The following PCLO variants were observed in gnomAD, a reference collection of about 807,000 sequenced individuals.
PCLO encodes protein piccolo.
Under a neutral mutation model 427.5 loss-of-function variants are expected in PCLO, and 82 were observed. That is an observed-to-expected ratio of 0.19 (90% CI 0.16 to 0.23). PCLO has a LOEUF of 0.23. PCLO is among the 10% of genes least tolerant of loss of function. The pLI is 1.00. For synonymous variants in PCLO, 2,357 were observed against 2,155.4 expected, an observed-to-expected ratio of 1.09 and a Z score of -2.59; for missense variants, 6,239 against 6,115.9, an observed-to-expected ratio of 1.02 and a Z score of -0.67.
intron 22 of PCLO, among the ~76,000 whole-genome samples, chr7:82,778,411 C>T (rs1387012206): frequency 6.6e-6 from 1 of 152,128 alleles, no homozygotes; most frequent in East Asian, 1.9e-4. Flanking sequence ...AATCCTATTA[C>T]TGGTATATAC....
chr7:83,152,118 C>T (rs1792150296), intron 2 of PCLO, among the ~76,000 whole-genome samples: 1 of 151,990 alleles, frequency 6.6e-6, no homozygotes, highest in South Asian at 2.1e-4. Flanking sequence ...GCGCCCGCCA[C>T]CACGCCCGGC....
intron 3 of PCLO, among the ~76,000 whole-genome samples, chr7:83,021,657 C>T (rs41606): frequency 0.48 from 72,409 of 151,872 alleles, 19,622 homozygotes; most frequent in Middle Eastern, 0.7. Context: ...AAACATATTT[C>T]AGTAAATTTG....
At chr7:82,812,293 A>G (rs1791589058) in intron 20 of PCLO, among the ~76,000 whole-genome samples, 1 of 151,596 alleles carries the variant, frequency 6.6e-6, no homozygotes, top group Non-Finnish European at 1.5e-5. Flanking sequence ...AAAACAATGT[A>G]ACAAATGAAA....
At chr7:83,059,357 A>AAAAATAT (rs1332566491) in intron 3 of PCLO, among the ~76,000 whole-genome samples, 3 of 111,816 alleles carry the variant, frequency 2.7e-5, no homozygotes, top group Non-Finnish European at 5.2e-5. Context: ...ACACCTTTAA[A>AAAAATAT]ATATATATAT....
In PCLO at chr7:82,758,723, A is replaced by G. The variant is rs1790369463; in HGVS notation, c.15289-8T>C. 6.6e-7 allele frequency: 1 copy of G among 1,519,516 alleles called. No individual in the cohort carries two copies. Among genetic ancestry groups the G allele is most frequent in the Non-Finnish European group, 9.1e-7 (1 of 1,100,344 alleles). 94.1% of individuals were successfully genotyped at this position (1,519,516 alleles called of 1,614,324 possible). On this transcript the variant is annotated splice_region_variant and splice_polypyrimidine_tract_variant and intron_variant, in intron 24 of 24. Transcript: ENST00000333891. ...ATTGGAGAAAAGTAAAATCTAGAAA[A>G]AATAGGCAAAAATAAACATATTTAA...
At chr7:82,793,684 A>T (rs1021545416) in intron 22 of PCLO, among the ~76,000 whole-genome samples, 20 of 152,148 alleles carry the variant, frequency 1.3e-4, no homozygotes, top group African/African-American at 4.8e-4. Flanking sequence ...TGATCTCCAC[A>T]TTTGATATTT....
chr7:83,108,191 G>A (rs1281210255), intron 3 of PCLO, among the ~76,000 whole-genome samples: 2 of 151,974 alleles, frequency 1.3e-5, no homozygotes, highest in East Asian at 3.9e-4. Flanking sequence ...AGAATACATT[G>A]ACTTGAGAAA....
At chr7:82,772,340 A>G (rs1790664672) in intron 22 of PCLO, among the ~76,000 whole-genome samples, 1 of 152,086 alleles carries the variant, frequency 6.6e-6, no homozygotes, top group Non-Finnish European at 1.5e-5. Context: ...ATGATTGTCA[A>G]TCTATTAATT....
chr7:83,154,859 G>C lies in PCLO; in HGVS notation c.1782C>G (p.Thr594=). 1 of 1,613,922 alleles carries C rather than the reference G, an allele frequency of 6.2e-7. No individual in the cohort carries two copies. Among genetic ancestry groups the C allele is most frequent in the Non-Finnish European group, 8.5e-7 (1 of 1,179,830 alleles). ...LPKTICPLCN[T]TELLLHVPEK... The stretch of plus-strand genomic sequence containing the variant: ...CTGGAACATGCAACAGAAGTTCAGT[G>C]GTATTGCAAAGAGGACAGATGGTTT... Residue 594 remains threonine, a synonymous_variant, in exon 2 of 25, where the codon ACC becomes ACG. Coordinates refer to ENST00000333891, the MANE Select transcript of PCLO (RefSeq NM_033026.6).
intron 3 of PCLO, among the ~76,000 whole-genome samples, chr7:83,093,918 T>C (rs1790459130): frequency 6.6e-6 from 1 of 151,310 alleles, no homozygotes; most frequent in Non-Finnish European, 1.5e-5. Flanking sequence ...AGAAATCCCA[T>C]GTATCTCTTA....
chr7:82,813,358 T>C (rs1040735035), intron 20 of PCLO, among the ~76,000 whole-genome samples: 1 of 151,710 alleles, frequency 6.6e-6, no homozygotes, highest in African/African-American at 2.4e-5. Context: ...AAATACTTTC[T>C]GTCTATATAT....
At chr7:82,863,806 T>C (rs1000726720) in intron 10 of PCLO, among the ~76,000 whole-genome samples, 2 of 152,084 alleles carry the variant, frequency 1.3e-5, no homozygotes, top group African/African-American at 4.8e-5. Flanking sequence ...AGGGTTTTCA[T>C]ATGTATACCA....
At chr7:82,987,899 A>C (rs1487452351) in intron 3 of PCLO, among the ~76,000 whole-genome samples, 2 of 152,136 alleles carry the variant, frequency 1.3e-5, no homozygotes, top group African/African-American at 4.8e-5. Context: ...AGTAAAATGA[A>C]GGTAAAATCA....
intron 6 of PCLO, among the ~76,000 whole-genome samples, chr7:82,924,338 T>C (rs1018875082): frequency 3.3e-5 from 5 of 152,088 alleles, no homozygotes; most frequent in Non-Finnish European, 7.4e-5. Flanking sequence ...ATCCCCTTTA[T>C]TGTATAGAAA....
intron 22 of PCLO, among the ~76,000 whole-genome samples, chr7:82,780,602 C>G (rs947241569): frequency 1.3e-5 from 2 of 152,166 alleles, no homozygotes; most frequent in African/African-American, 2.4e-5. Flanking sequence ...GGCTGGAGTG[C>G]GGTGGCGCGA....
chr7:83,003,087 A>C (rs1787862726), intron 3 of PCLO, among the ~76,000 whole-genome samples: 1 of 151,438 alleles, frequency 6.6e-6, no homozygotes, highest in African/African-American at 2.4e-5. Flanking sequence ...GGATTTCTAC[A>C]GGTGGTTTTC....
At chr7:82,966,869 A>ACG (rs1795786632) in intron 3 of PCLO, among the ~76,000 whole-genome samples, 1 of 152,178 alleles carries the variant, frequency 6.6e-6, no homozygotes. Context: ...TCCAAAATTT[A>ACG]TTCAAAGACT....
At chr7:82,885,438 G>C (rs1387594330) in intron 9 of PCLO, among the ~76,000 whole-genome samples, 2 of 152,090 alleles carry the variant, frequency 1.3e-5, no homozygotes, top group Non-Finnish European at 2.9e-5. Flanking sequence ...TTCATGATCA[G>C]GGAACCCAGT....
At position 82,916,591 on chromosome 7, in the gene PCLO, G is replaced by A; in HGVS notation, c.11395C>T (p.Arg3799Ter). 1 of 1,613,494 alleles carries A rather than the reference G, an allele frequency of 6.2e-7. No individual in the cohort carries two copies. ...CTGTTAATTCCCATTTCCAGGTATC[G>A]TAGCTTAGCATCAATCTCCTTTTCT... ...EEEKEIDAKL[R>*]YLEMGINRRK... is the part of the protein sequence containing the mutation. The change falls in exon 7 of 25, where the codon CGA becomes TGA. Residue 3799 changes from arginine to a stop codon, truncating the protein, a stop_gained. Coordinates refer to ENST00000333891, the MANE Select transcript of PCLO (RefSeq NM_033026.6). LOFTEE classifies it high-confidence loss of function.
Sources: allele counts gnomAD v4.1 joint callset (sites outside exome capture counted in the v4.1 genomes callset), GRCh38; gene constraint gnomAD v4.1.1; transcripts MANE v1.5; gene names NCBI Gene and HGNC (gene_info 2026-07-23, HGNC 2026-07-21).